Variants in C12orf56 observed in about 807,000 individuals in gnomAD.
The protein encoded by C12orf56 is chromosome 12 open reading frame 56.
In C12orf56, 71 loss-of-function variants were observed where a neutral mutation model predicts 69.9. The ratio of observed to expected loss-of-function variants is 1.02; its 90% CI spans 0.84 to 1.24. The LOEUF (loss-of-function observed/expected upper bound fraction) is 1.24. Ranked by LOEUF, C12orf56 falls within the 50% of genes most tolerant of loss-of-function variation. The probability of loss-of-function intolerance (pLI) is 0.00; values close to 1 mark genes in which losing one functional copy is unlikely to be tolerated. For missense variants in C12orf56, 732 were observed against 738.5 expected (o/e 0.99, Z 0.10); for synonymous variants, 276 against 274.1 (o/e 1.01, Z -0.07).
intron 11 of C12orf56, among the ~76,000 whole-genome samples, chr12:64,273,620 G>A (rs10878131): frequency 0.7 from 106,967 of 152,112 alleles, 38,808 homozygotes; most frequent in Non-Finnish European, 0.8. Context: ...CAAAATACCA[G>A]TGCTTTGCTT....
intron 8 of C12orf56, among the ~76,000 whole-genome samples, chr12:64,282,391 G>A (rs1247125569): frequency 6.6e-6 from 1 of 152,192 alleles, no homozygotes; most frequent in Non-Finnish European, 1.5e-5. Flanking sequence ...GCAGAACTGA[G>A]TAGACGCAGC....
intron 6 of C12orf56, among the ~76,000 whole-genome samples, chr12:64,298,875 G>A (rs1344636327): frequency 2.6e-5 from 4 of 152,112 alleles, no homozygotes; most frequent in Non-Finnish European, 5.9e-5. Context: ...CTCTTTTTTG[G>A]TTCCATATGA....
intron 2 of C12orf56, among the ~76,000 whole-genome samples, chr12:64,335,417 C>CAAA (rs59759648): frequency 3.1e-5 from 3 of 98,306 alleles, no homozygotes; most frequent in African/African-American, 1.2e-4. Flanking sequence ...ACTTCATCTC[C>CAAA]AAAAAAAAAA....
intron 4 of C12orf56, among the ~76,000 whole-genome samples, chr12:64,314,669 C>CG (rs2038666869): frequency 6.6e-6 from 1 of 151,016 alleles, no homozygotes; most frequent in Admixed American, 6.6e-5. Context: ...GACGGAGTCT[C>CG]GCTCTGTCAG....
chr12:64,274,132 G>T (rs1458788621), intron 11 of C12orf56, among the ~76,000 whole-genome samples: 1 of 152,056 alleles, frequency 6.6e-6, no homozygotes, highest in Non-Finnish European at 1.5e-5. Context: ...CCAGGAAGGG[G>T]CCCTGAGGCC....
chr12:64,386,673 G>A (rs2039795418), intron 1 of C12orf56, among the ~76,000 whole-genome samples: 1 of 152,080 alleles, frequency 6.6e-6, no homozygotes, highest in African/African-American at 2.4e-5. Context: ...TGGGATTACA[G>A]GAGTGAGCCA....
chr12:64,330,973 C>A lies in C12orf56; in HGVS notation c.475G>T (p.Glu159Ter), dbSNP rs866684189. 1.3e-6 allele frequency: 2 copies of A among 1,555,230 alleles called. No individual in the cohort carries two copies. Among genetic ancestry groups the A allele is most frequent in the Non-Finnish European group, 1.7e-6 (2 of 1,148,638 alleles). ...CAACAATCTCACCTGAGAGGAGATT[C>A]TTTCAGACTTCTGGACTCTTTGCTT... The part of the protein sequence containing the change: ...WRSKESRSLK[E>*]SPLRDQQESS... Residue 159 changes from glutamate to a stop codon, truncating the protein, a stop_gained, in exon 3 of 13, where the codon GAA becomes TAA. Coordinates refer to ENST00000543942, the MANE Select transcript of C12orf56 (RefSeq NM_001170633.2). LOFTEE classifies it high-confidence loss of function.
chr12:64,360,821 C>A (rs1358462203), intron 1 of C12orf56, among the ~76,000 whole-genome samples: 1 of 152,252 alleles, frequency 6.6e-6, no homozygotes, highest in East Asian at 1.9e-4. Context: ...AATCAGGAAA[C>A]ATAGTTTTTT....
intron 1 of C12orf56, among the ~76,000 whole-genome samples, chr12:64,356,179 A>G: frequency 6.8e-6 from 1 of 146,178 alleles, no homozygotes; most frequent in Admixed American, 6.9e-5. Context: ...TCAAAAAAAA[A>G]AAAAAAAAAA....
intron 2 of C12orf56, among the ~76,000 whole-genome samples, chr12:64,342,084 C>A (rs2039081525): frequency 6.6e-6 from 1 of 152,160 alleles, no homozygotes; most frequent in Admixed American, 6.5e-5. Context: ...ACATGGGATA[C>A]AAATATCTTC....
intron 2 of C12orf56, chr12:64,338,332 C>G: frequency 1.7e-6 from 1 of 578,890 alleles, no homozygotes; most frequent in South Asian, 1.5e-5. Context: ...TGTCCTCTGG[C>G]AGGTAGACAT....
chr12:64,377,427 G>T (rs1327695354), intron 1 of C12orf56, among the ~76,000 whole-genome samples: 1 of 152,026 alleles, frequency 6.6e-6, no homozygotes, highest in Non-Finnish European at 1.5e-5. Context: ...GACCTCAAGT[G>T]ATCTGCCCAC....
In C12orf56 at chr12:64,285,955, C is replaced by T. The variant is rs753496804; in HGVS notation, c.1219G>A (p.Val407Met). Residue 407 changes from valine to methionine, a missense_variant and splice_region_variant, in exon 7 of 13, where the codon GTG becomes ATG. Physicochemically the swap from Val to Met is conservative, Grantham distance 21. Coordinates refer to ENST00000543942, the MANE Select transcript of C12orf56 (RefSeq NM_001170633.2). ...QNQSQRVDEL[V>M]ACIEIIQTLV... is the part of the protein sequence containing the mutation. ...GATGATTATCTAGTTAGTACTTACA[C>T]CAGCTCATCAACCCTTTGGCTTTGA... 3 of 1,581,286 alleles carry T rather than the reference C, an allele frequency of 1.9e-6. No individual in the cohort carries two copies. Among genetic ancestry groups the T allele is most frequent in the South Asian group, 1.1e-5 (1 of 87,210 alleles).
chr12:64,301,266 C>A (rs2038442207), intron 6 of C12orf56, among the ~76,000 whole-genome samples: 1 of 152,080 alleles, frequency 6.6e-6, no homozygotes, highest in African/African-American at 2.4e-5. Context: ...TGGGATGTAA[C>A]AAAAACCCAC....
intron 10 of C12orf56, 45 bp downstream of exon 10, chr12:64,275,253 A>G (rs1373025294): frequency 1.1e-6 from 1 of 900,486 alleles, no homozygotes; most frequent in Non-Finnish European, 1.7e-6. Flanking sequence ...CATGTAATTT[A>G]TAGTTACATA....
At chr12:64,268,490 G>A (rs1185525) in intron 12 of C12orf56, among the ~76,000 whole-genome samples, 106,870 of 151,914 alleles carry the variant, frequency 0.7, 38,777 homozygotes, top group Non-Finnish European at 0.8. Flanking sequence ...TATGTAGAAT[G>A]TCCAGAATAG....
chr12:64,366,329 T>A (rs62652090), intron 1 of C12orf56, among the ~76,000 whole-genome samples: 8 of 82,400 alleles, frequency 9.7e-5, no homozygotes, highest in South Asian at 3.6e-4. Context: ...TATTATATAT[T>A]ATATACAGTT....
At chr12:64,385,326 C>G (rs1343544847) in intron 1 of C12orf56, among the ~76,000 whole-genome samples, 1 of 151,198 alleles carries the variant, frequency 6.6e-6, no homozygotes, top group Non-Finnish European at 1.5e-5. Context: ...TGTGTAGACT[C>G]TGGTCTAACT....
chr12:64,349,750 C>T (rs939184983), intron 2 of C12orf56, among the ~76,000 whole-genome samples: 2 of 152,126 alleles, frequency 1.3e-5, no homozygotes, highest in Non-Finnish European at 2.9e-5. Flanking sequence ...AAACATTGTA[C>T]ATTTTCACTG....
Sources: gnomAD v4.1 joint callset for allele counts (sites outside exome capture counted in the v4.1 genomes callset) on GRCh38, gnomAD v4.1.1 for gene constraint, MANE v1.5 for transcripts, NCBI Gene and HGNC (gene_info 2026-07-23, HGNC 2026-07-21) for gene names.